The following ATP8A1 variants were observed in gnomAD, a reference collection of about 807,000 sequenced individuals.
The protein encoded by ATP8A1 is ATPase phospholipid transporting 8A1.
Under a neutral mutation model 177.7 loss-of-function variants are expected in ATP8A1, and 90 were observed. The ratio of observed to expected loss-of-function variants is 0.51; its 90% CI spans 0.43 to 0.60. The LOEUF (loss-of-function observed/expected upper bound fraction) is 0.60, where lower values mean the gene tolerates loss of function less well. ATP8A1 is among the 20% of genes least tolerant of loss of function. ATP8A1 has a pLI of 0.00. For synonymous variants in ATP8A1, 493 were observed against 485.9 expected, an observed-to-expected ratio of 1.01 and a Z score of -0.19; for missense variants, 1,072 against 1,392.8, an observed-to-expected ratio of 0.77 and a Z score of 3.67.
intron 6 of ATP8A1, among the ~76,000 whole-genome samples, chr4:42,595,944 G>A (rs920269746): frequency 6.6e-6 from 1 of 152,206 alleles, no homozygotes; most frequent in Non-Finnish European, 1.5e-5. Context: ...AAAACCAGGG[G>A]CTTACTAAAT....
intron 29 of ATP8A1, 23 bp downstream of exon 29, chr4:42,455,274 C>T: frequency 6.2e-7 from 1 of 1,612,194 alleles, no homozygotes; most frequent in South Asian, 1.1e-5. Flanking sequence ...CAAACATGTC[C>T]CAGCCAGGGC....
chr4:42,418,663 T>C (rs1384447297), intron 35 of ATP8A1, among the ~76,000 whole-genome samples: 1 of 152,204 alleles, frequency 6.6e-6, no homozygotes, highest in Non-Finnish European at 1.5e-5. Flanking sequence ...GTTTAGGTTA[T>C]TCTCTCATCA....
chr4:42,441,647 G>A (rs576005719), intron 33 of ATP8A1, among the ~76,000 whole-genome samples: 3 of 151,966 alleles, frequency 2.0e-5, no homozygotes, highest in East Asian at 1.9e-4. Flanking sequence ...TCATTTACAC[G>A]CACACACACC....
At chr4:42,475,561 GTATATAATA>G (rs1720969861) in intron 25 of ATP8A1, among the ~76,000 whole-genome samples, 1 of 150,686 alleles carries the variant, frequency 6.6e-6, no homozygotes, top group Non-Finnish European at 1.5e-5. Flanking sequence ...ATATATGACA[GTATATAATA>G]TATACTGTCA....
chr4:42,625,741 A>T, intron 2 of ATP8A1, 28 bp from the exon 3 acceptor site: 1 of 1,408,432 alleles, frequency 7.1e-7, no homozygotes, highest in Non-Finnish European at 9.9e-7. Context: ...AAAGTAGCAT[A>T]AAACTTCTCC....
chr4:42,555,087 A>G (rs867088349), intron 16 of ATP8A1, among the ~76,000 whole-genome samples: 18 of 69,776 alleles, frequency 2.6e-4, no homozygotes, highest in African/African-American at 7.9e-4. Flanking sequence ...TTGTGTGTGT[A>G]TCTATCTATC....
intron 33 of ATP8A1, among the ~76,000 whole-genome samples, chr4:42,442,263 T>TA (rs1222187810): frequency 6.6e-6 from 1 of 152,160 alleles, no homozygotes; most frequent in African/African-American, 2.4e-5. Context: ...GATATCAAGT[T>TA]AAAATCGACC....
rs1013457777 is a variant in ATP8A1 at position 42,464,544 on chromosome 4, C to G, written c.2619+146G>C. 9.3e-6 allele frequency: 5 copies of G among 538,462 alleles called. No homozygotes were observed. The African/African-American group carries it at 9.6e-5, about 10-fold the overall frequency. 33.4% of individuals were successfully genotyped at this position (538,462 alleles called of 1,614,324 possible). A position where few individuals can be genotyped will look rare whatever the true frequency, so the allele number is the denominator to read the frequency against. On this transcript the variant is annotated intron_variant, in intron 27 of 36. Transcript: ENST00000381668. ...CCTCCCAGAGTGCTGGGATTACAGG[C>G]CACCTTTTTGTTTTAATACATTTAG...
chr4:42,614,299 A>T (rs148040312), intron 5 of ATP8A1, among the ~76,000 whole-genome samples: 1 of 152,334 alleles, frequency 6.6e-6, no homozygotes, highest in East Asian at 1.9e-4. Flanking sequence ...CTTGAAAATC[A>T]ATAATTGCCA....
rs1719569748 is a variant in ATP8A1, at chr4:42,464,924, G to A, written c.2477C>T (p.Ala826Val). ...VGISGNEGLQAANSSDYSIAQ... is the reference protein window; with the variant it reads ...VGISGNEGLQVANSSDYSIAQ... ...TATGGAGTAGTCAGAGGAATTAGCT[G>A]CCTGCAGGCCTTCATTGCCACTGAT... Residue 826 changes from alanine (A) to valine (V), a missense_variant, in exon 26 of 37, where the codon GCA (alanine) becomes GTA (valine). Physicochemically the swap from Ala to Val is moderately conservative, Grantham distance 64. Transcript: ENST00000381668. The A allele has an allele frequency of 6.2e-7, 1 of 1,614,064 alleles. No individual in the cohort carries two copies. Among genetic ancestry groups the A allele is most frequent in the Admixed American group, 1.7e-5 (1 of 60,008 alleles).
chr4:42,653,261 C>T (rs1741289119), intron 1 of ATP8A1, among the ~76,000 whole-genome samples: 1 of 149,024 alleles, frequency 6.7e-6, no homozygotes, highest in Non-Finnish European at 1.5e-5. Flanking sequence ...TCCATCCACC[C>T]ACCTTAAACA....
At chr4:42,555,195 T>C (rs564834356) in intron 16 of ATP8A1, among the ~76,000 whole-genome samples, 37 of 125,894 alleles carry the variant, frequency 2.9e-4, no homozygotes, top group African/African-American at 7.4e-4. Context: ...TCTATCTATC[T>C]ATCCTATTAG....
intron 24 of ATP8A1, among the ~76,000 whole-genome samples, chr4:42,497,163 T>C (rs1455222800): frequency 6.6e-6 from 1 of 152,180 alleles, no homozygotes; most frequent in Non-Finnish European, 1.5e-5. Flanking sequence ...AAAAACAGTT[T>C]GGGACTTCAA....
chr4:42,470,343 G>A (rs558681203), intron 25 of ATP8A1, among the ~76,000 whole-genome samples: 179 of 152,266 alleles, frequency 1.2e-3, no homozygotes, highest in African/African-American at 4.1e-3. Flanking sequence ...TCAGAGCACT[G>A]GAAATTTTTA....
rs752613674 is a variant in ATP8A1 at position 42,635,094 on chromosome 4, G to C, written c.50-7985C>G. Among the ~76,000 whole-genome samples the C allele has an allele frequency of 6.6e-5, 10 of 152,222 alleles. No homozygotes were observed. In the East Asian group the frequency reaches 1.7e-3, roughly 26 times the overall value. ...TGGATAATATTTATAGTTGTGACCA[G>C]TGTAAATCAATATAGACAGCAAAAT... is the stretch of plus-strand genomic sequence containing the variant. On this transcript the variant is annotated intron_variant, in intron 1 of 36. Coordinates refer to ENST00000381668, the MANE Select transcript of ATP8A1 (RefSeq NM_006095.2).
intron 20 of ATP8A1, among the ~76,000 whole-genome samples, chr4:42,532,250 C>T (rs188991662): frequency 1.3e-5 from 2 of 151,970 alleles, no homozygotes; most frequent in Non-Finnish European, 2.9e-5. Flanking sequence ...ACTGGGAGGC[C>T]GAGGTGGGCT....
intron 4 of ATP8A1, among the ~76,000 whole-genome samples, chr4:42,622,530 GC>G (rs1340904732): frequency 6.6e-6 from 1 of 151,870 alleles, no homozygotes; most frequent in African/African-American, 2.4e-5. Flanking sequence ...TGCAACAAAA[GC>G]AAAAATTGAC....
chr4:42,456,861 A>T (rs932599553), intron 27 of ATP8A1, among the ~76,000 whole-genome samples: 1 of 152,164 alleles, frequency 6.6e-6, no homozygotes, highest in African/African-American at 2.4e-5. Context: ...CTCATTATGG[A>T]AGCATGAATT....
intron 19 of ATP8A1, among the ~76,000 whole-genome samples, chr4:42,544,378 T>C (rs1728686270): frequency 6.6e-6 from 1 of 152,176 alleles, no homozygotes. Flanking sequence ...ACAAATCAAT[T>C]GTTATTAAAA....
Sources: allele counts gnomAD v4.1 joint callset (sites outside exome capture counted in the v4.1 genomes callset), GRCh38; gene constraint gnomAD v4.1.1; transcripts MANE v1.5; gene names NCBI Gene and HGNC (gene_info 2026-07-23, HGNC 2026-07-21).